KLF15: variants seen among roughly 807,000 people sequenced by gnomAD.
KLF15 encodes Krueppel-like factor 15.
KLF15 carries 4 observed loss-of-function variants against 24.6 expected under a neutral mutation model. That is an observed-to-expected ratio of 0.16 (90% confidence interval 0.08 to 0.37). The LOEUF is 0.37. Among genes scored for constraint, KLF15 ranks in the 10% least tolerant of loss-of-function variants. The probability of loss-of-function intolerance (pLI) is 1.00; values close to 1 mark genes in which losing one functional copy is unlikely to be tolerated. For synonymous variants in KLF15, 246 were observed against 236.3 expected (o/e 1.04, Z -0.37); for missense variants, 496 against 560.6 (o/e 0.88, Z 1.16).
chr3:126,347,872 G>A (rs2082547436), intron 2 of KLF15, among the ~76,000 whole-genome samples: 1 of 152,194 alleles, frequency 6.6e-6, no homozygotes, highest in East Asian at 1.9e-4. Context: ...ACAGAGGTAT[G>A]AGGGGCCTGA....
At chr3:126,316,008 G>A in the KLF15 span, among the ~76,000 whole-genome samples, 1 of 152,184 alleles carries the variant, frequency 6.6e-6, no homozygotes, top group African/African-American at 2.4e-5. Context: ...GCACTCTAGA[G>A]TCAAATCCCA....
the KLF15 span, among the ~76,000 whole-genome samples, chr3:126,294,864 TACACACACACAC>T: frequency 1.7e-3 from 238 of 141,882 alleles, 3 homozygotes; most frequent in Admixed American, 7.9e-3. Flanking sequence ...TGCCCCTCCA[TACACACACACAC>T]ACACACACAC....
the KLF15 span, among the ~76,000 whole-genome samples, chr3:126,324,769 A>T: frequency 5.7e-3 from 272 of 47,638 alleles, no homozygotes; most frequent in Middle Eastern, 0.017. Context: ...TTTTTTTTTC[A>T]TTGATCTTTT....
intron 1 of KLF15, among the ~76,000 whole-genome samples, chr3:126,355,109 G>C (rs967296518): frequency 2.6e-4 from 39 of 152,150 alleles, no homozygotes; most frequent in African/African-American, 9.4e-4. Flanking sequence ...GGGACCCAGA[G>C]CAGGCCTTAG....
At chr3:126,343,919 G>T (rs1217618192) in intron 2 of KLF15, 24 bp from the exon 3 acceptor site, 7 of 1,558,010 alleles carry the variant, frequency 4.5e-6, no homozygotes, top group Non-Finnish European at 6.1e-6. Flanking sequence ...CGCGGTCAGC[G>T]AGGCCTGGCC....
chr3:126,330,916 G>T, the KLF15 span, among the ~76,000 whole-genome samples: 1 of 152,156 alleles, frequency 6.6e-6, no homozygotes, highest in African/African-American at 2.4e-5. Flanking sequence ...ACATCTCTCT[G>T]GATATGACAA....
chr3:126,303,739 C>G, the KLF15 span, among the ~76,000 whole-genome samples: 2 of 150,706 alleles, frequency 1.3e-5, no homozygotes, highest in Admixed American at 6.6e-5. Context: ...TAACTAAACT[C>G]TCTCTTGTTT....
the KLF15 span, among the ~76,000 whole-genome samples, chr3:126,316,744 T>C: frequency 1.4e-5 from 2 of 143,636 alleles, no homozygotes; most frequent in East Asian, 2.1e-4. Flanking sequence ...GGGGAGTCCA[T>C]GGGCCGGAGT....
intron 2 of KLF15, among the ~76,000 whole-genome samples, chr3:126,346,771 G>A (rs780035396): frequency 6.6e-6 from 1 of 152,178 alleles, no homozygotes; most frequent in Non-Finnish European, 1.5e-5. Context: ...CCAACAGAGA[G>A]CCCTGGGGAC....
the KLF15 span, among the ~76,000 whole-genome samples, chr3:126,298,982 GT>G: frequency 6.6e-6 from 1 of 152,042 alleles, no homozygotes; most frequent in South Asian, 2.1e-4. Context: ...TTTTAGGATT[GT>G]TTTTTCTACT....
At chr3:126,303,194 A>G in the KLF15 span, among the ~76,000 whole-genome samples, 1 of 152,062 alleles carries the variant, frequency 6.6e-6, no homozygotes, top group Non-Finnish European at 1.5e-5. Context: ...AGATTCAGAT[A>G]ATAAGAAAGA....
At chr3:126,327,709 C>A in the KLF15 span, among the ~76,000 whole-genome samples, 1 of 152,178 alleles carries the variant, frequency 6.6e-6, no homozygotes, top group African/African-American at 2.4e-5. Flanking sequence ...CTGAAGCCTG[C>A]ATGTCATGTT....
chr3:126,343,899 C>T lies in KLF15; in HGVS notation c.1083-4G>A, dbSNP rs552994136. 205 of 1,575,264 alleles carry T rather than the reference C, an allele frequency of 1.3e-4. No homozygotes were observed. Among genetic ancestry groups the T allele is most frequent in the Non-Finnish European group, 1.6e-4 (191 of 1,161,930 alleles). Reference sequence around the variant, plus strand: ...CAGCTCGTCAGAGCGCGAGAACCTGCGGGACATGGCGCGGTCAGCGAGGCC... The same window carrying T: ...CAGCTCGTCAGAGCGCGAGAACCTGTGGGACATGGCGCGGTCAGCGAGGCC... On this transcript the variant is annotated splice_polypyrimidine_tract_variant and splice_region_variant and intron_variant, in intron 2 of 2. Transcript: ENST00000296233.
chr3:126,351,135 C>T (rs1430517389), intron 2 of KLF15, among the ~76,000 whole-genome samples: 2 of 152,228 alleles, frequency 1.3e-5, no homozygotes, highest in Non-Finnish European at 2.9e-5. Context: ...GGCCTGATTT[C>T]CCCACTGCCA....
At chr3:126,344,007 G>C in intron 2 of KLF15, 112 bp from the exon 3 acceptor site, 1 of 1,138,102 alleles carries the variant, frequency 8.8e-7, no homozygotes, top group Non-Finnish European at 1.2e-6. Context: ...CCAAAGGGTG[G>C]CTGCGCAGAC....
At chr3:126,309,907 A>G in the KLF15 span, among the ~76,000 whole-genome samples, 1 of 152,262 alleles carries the variant, frequency 6.6e-6, no homozygotes, top group Non-Finnish European at 1.5e-5. Context: ...CATTTGAGCA[A>G]CAAGGTATAC....
chr3:126,343,487 A>G lies in KLF15; in HGVS notation c.*240T>C, dbSNP rs1018213582. On this transcript the variant is annotated 3_prime_UTR_variant, in exon 3 of 3. Coordinates refer to ENST00000296233, the MANE Select transcript of KLF15 (RefSeq NM_014079.4). Reference sequence around the variant, plus strand: ...GAAGGCACGAAGGCACGAAGGCACGAAGGCCTGCCTCCAGCCCCGTGCGCC... The same window carrying G: ...GAAGGCACGAAGGCACGAAGGCACGGAGGCCTGCCTCCAGCCCCGTGCGCC... 1.1e-4 allele frequency: 54 copies of G among 482,668 alleles called. No homozygotes were observed. The highest frequency in any genetic ancestry group is 1.7e-4 in the Non-Finnish European group (48 of 276,344). 29.9% of individuals were successfully genotyped at this position (482,668 alleles called of 1,614,324 possible).
At chr3:126,294,565 G>A in the KLF15 span, among the ~76,000 whole-genome samples, 3 of 152,148 alleles carry the variant, frequency 2.0e-5, no homozygotes, top group African/African-American at 4.8e-5. Context: ...GAAGAGCAAG[G>A]CCTTCAGTCA....
the KLF15 span, among the ~76,000 whole-genome samples, chr3:126,315,015 T>G: frequency 1.3e-5 from 2 of 152,124 alleles, no homozygotes; most frequent in Non-Finnish European, 2.9e-5. Flanking sequence ...CGGCCAGGGA[T>G]GTCTGCTTCT....
Sources: allele counts gnomAD v4.1 joint callset (sites outside exome capture counted in the v4.1 genomes callset), GRCh38; gene constraint gnomAD v4.1.1; transcripts MANE v1.5; gene names NCBI Gene and HGNC (gene_info 2026-07-23, HGNC 2026-07-21).